TSNARE1: variants seen among roughly 807,000 people sequenced by gnomAD.
TSNARE1 encodes the protein t-SNARE domain containing 1.
TSNARE1 carries 49 observed loss-of-function variants against 62.0 expected under a neutral mutation model. The observed-to-expected ratio is 0.79, with a 90% CI of 0.63 to 1.00. TSNARE1 has a LOEUF of 1.00. TSNARE1 is among the 50% of genes least tolerant of loss of function. The probability of loss-of-function intolerance (pLI) is 0.00; values close to 1 mark genes in which losing one functional copy is unlikely to be tolerated. For missense variants in TSNARE1, 755 were observed against 700.1 expected (o/e 1.08, Z -0.88); for synonymous variants, 328 against 294.4 (o/e 1.11, Z -1.17).
intron 10 of TSNARE1, among the ~76,000 whole-genome samples, chr8:142,296,743 G>A (rs1176894332): frequency 6.6e-6 from 1 of 152,038 alleles, no homozygotes. Flanking sequence ...GATCAGGGCA[G>A]GGTGCTCAGG....
intron 6 of TSNARE1, 26 bp from the exon 7 acceptor site, chr8:142,318,660 C>A: frequency 2.5e-6 from 4 of 1,611,936 alleles, no homozygotes; most frequent in Non-Finnish European, 3.4e-6. Context: ...GAGCCAGGAG[C>A]GAAGGCAGGG....
At chr8:142,297,480 A>G (rs530675155) in intron 10 of TSNARE1, among the ~76,000 whole-genome samples, 2 of 152,338 alleles carry the variant, frequency 1.3e-5, no homozygotes, top group South Asian at 4.1e-4. Flanking sequence ...TCAGACCTCA[A>G]GTCTGCCCTA....
At chr8:142,358,705 G>A (rs567730008) in intron 1 of TSNARE1, among the ~76,000 whole-genome samples, 7 of 151,636 alleles carry the variant, frequency 4.6e-5, no homozygotes, top group African/African-American at 1.2e-4. Flanking sequence ...GGCAGCACAT[G>A]TCTTCTGCCT....
chr8:142,295,192 C>T (rs1002443707), intron 10 of TSNARE1, among the ~76,000 whole-genome samples: 1 of 152,228 alleles, frequency 6.6e-6, no homozygotes, highest in Non-Finnish European at 1.5e-5. Context: ...CCACATGTGA[C>T]TGGCACAACC....
chr8:142,224,533 G>C (rs766186480), intron 13 of TSNARE1, among the ~76,000 whole-genome samples: 9 of 152,178 alleles, frequency 5.9e-5, no homozygotes, highest in Non-Finnish European at 1.0e-4. Flanking sequence ...GGCTGGGTGC[G>C]GTCCCTCCTC....
intron 6 of TSNARE1, among the ~76,000 whole-genome samples, chr8:142,320,756 C>A (rs951690838): frequency 5.3e-5 from 8 of 152,264 alleles, no homozygotes; most frequent in African/African-American, 1.4e-4. Flanking sequence ...AGCACCAACA[C>A]CTGCCCAGAC....
intron 1 of TSNARE1, among the ~76,000 whole-genome samples, chr8:142,389,339 A>G (rs1036840154): frequency 1.3e-5 from 2 of 152,242 alleles, no homozygotes; most frequent in Non-Finnish European, 2.9e-5. Context: ...AGTCTGGGCA[A>G]TGATTTTTTT....
intron 12 of TSNARE1, among the ~76,000 whole-genome samples, chr8:142,253,532 GCGGT>G (rs1224280902): frequency 6.1e-5 from 9 of 147,212 alleles, no homozygotes; most frequent in African/African-American, 1.5e-4. Flanking sequence ...CTGCAGTAGG[GCGGT>G]CACCCCCCAG....
At chr8:142,286,393 A>G (rs1462193776) in intron 10 of TSNARE1, among the ~76,000 whole-genome samples, 1 of 152,234 alleles carries the variant, frequency 6.6e-6, no homozygotes, top group African/African-American at 2.4e-5. Flanking sequence ...GAAATGAAGC[A>G]ATTAGCATGA....
intron 11 of TSNARE1, chr8:142,275,486 G>C (rs1228340786): frequency 1.0e-6 from 1 of 985,314 alleles, no homozygotes; most frequent in African/African-American, 1.7e-5. Context: ...GGAGACACCA[G>C]ACCAGGGCCG....
chr8:142,293,254 G>T (rs896512480), intron 10 of TSNARE1, among the ~76,000 whole-genome samples: 1 of 152,270 alleles, frequency 6.6e-6, no homozygotes, highest in African/African-American at 2.4e-5. Context: ...AAAGCCCAGG[G>T]TTCACCTGCT....
intron 10 of TSNARE1, among the ~76,000 whole-genome samples, chr8:142,293,054 C>A (rs1275687886): frequency 1.3e-5 from 2 of 152,204 alleles, no homozygotes; most frequent in Non-Finnish European, 2.9e-5. Context: ...AATCCCAGGA[C>A]TCCGGAACCT....
chr8:142,221,168 C>T (rs1816192785), intron 13 of TSNARE1, among the ~76,000 whole-genome samples: 1 of 152,204 alleles, frequency 6.6e-6, no homozygotes, highest in Non-Finnish European at 1.5e-5. Flanking sequence ...CCTCACAGCA[C>T]CTTCTTTGTG....
rs1454365312 is a variant in TSNARE1, at chr8:142,310,477, G to A, written c.1131+3907C>T. Reference sequence around the variant, plus strand: ...TCCCTTACTCCCTCCTCCGGGACACGCTTCCCTCTGAGATCACTCCTTTTC... The same window carrying A: ...TCCCTTACTCCCTCCTCCGGGACACACTTCCCTCTGAGATCACTCCTTTTC... On this transcript the variant is annotated intron_variant, in intron 9 of 13. Coordinates refer to ENST00000524325, the MANE Select transcript of TSNARE1 (RefSeq NM_145003.5). Among the ~76,000 whole-genome samples the A allele has an allele frequency of 5.3e-5, 8 of 152,268 alleles. No individual in the cohort carries two copies. In the South Asian group the frequency reaches 1.2e-3, roughly 24 times the overall value.
Position 142,301,759 on chromosome 8 carries a change from G to A in TSNARE1, c.1132-1115C>T, listed in dbSNP as rs536723022. The stretch of plus-strand genomic sequence containing the variant: ...GCCTGGCCAGGACCGGCCTCACCAG[G>A]AGCACCTGCTCCACTCAGCCGTGCC... On this transcript the variant is annotated intron_variant, in intron 9 of 13. Coordinates refer to ENST00000524325, the MANE Select transcript of TSNARE1 (RefSeq NM_145003.5). Among the ~76,000 whole-genome samples, 3 of 150,960 alleles carry A rather than the reference G, an allele frequency of 2.0e-5. No homozygotes were observed. In the South Asian group the frequency reaches 6.3e-4, roughly 32 times the overall value.
intron 4 of TSNARE1, among the ~76,000 whole-genome samples, chr8:142,341,252 C>T (rs1364003311): frequency 6.6e-6 from 1 of 152,204 alleles, no homozygotes; most frequent in Admixed American, 6.5e-5. Flanking sequence ...GTGCCCCCTT[C>T]CCAGCCTCCC....
At chr8:142,367,177 C>A (rs1177012353) in intron 1 of TSNARE1, among the ~76,000 whole-genome samples, 2 of 152,172 alleles carry the variant, frequency 1.3e-5, no homozygotes, top group Non-Finnish European at 2.9e-5. Flanking sequence ...ATCACAAAGA[C>A]GTCAGTTTTC....
intron 12 of TSNARE1, chr8:142,273,784 G>C: frequency 1.0e-6 from 1 of 985,402 alleles, no homozygotes; most frequent in South Asian, 4.7e-5. Flanking sequence ...TCAGGCCCCT[G>C]CGTGGTTCCA....
At chr8:142,216,398 T>A (rs1296067776) in intron 13 of TSNARE1, among the ~76,000 whole-genome samples, 1 of 152,146 alleles carries the variant, frequency 6.6e-6, no homozygotes, top group Admixed American at 6.5e-5. Flanking sequence ...AGCACAGGTA[T>A]AATCACTGGG....
Sources: allele counts gnomAD v4.1 joint callset (sites outside exome capture counted in the v4.1 genomes callset), GRCh38; gene constraint gnomAD v4.1.1; transcripts MANE v1.5; gene names NCBI Gene and HGNC (gene_info 2026-07-23, HGNC 2026-07-21).